Variants in FAM186B observed in about 807,000 individuals in gnomAD.
FAM186B encodes the protein family with sequence similarity 186 member B.
A neutral mutation model predicts 83.4 loss-of-function variants in FAM186B; 68 were observed. The ratio of observed to expected loss-of-function variants is 0.81; its 90% CI spans 0.67 to 1.00. The LOEUF is 1.00. Ranked by LOEUF, FAM186B falls within the 50% of genes least tolerant of loss-of-function variation. The pLI is 0.00. For missense variants in FAM186B, 983 were observed against 1,099.2 expected (o/e 0.89, Z 1.49); for synonymous variants, 389 against 422.0 (o/e 0.92, Z 0.96).
chr12:49,606,486 GACAC>G (rs57458344), upstream of FAM186B, among the ~76,000 whole-genome samples: 3,304 of 136,024 alleles, frequency 0.024, 48 homozygotes, highest in Middle Eastern at 0.043. Context: ...TAGATACCCT[GACAC>G]ACACACACAC....
upstream of FAM186B, among the ~76,000 whole-genome samples, chr12:49,608,496 A>G (rs576427647): frequency 6.6e-6 from 1 of 151,692 alleles, no homozygotes; most frequent in Non-Finnish European, 1.5e-5. Context: ...GTCTCCAAAA[A>G]AAAAAAAAAA....
intron 3 of FAM186B, among the ~76,000 whole-genome samples, chr12:49,602,569 T>C (rs1939917514): frequency 6.6e-6 from 1 of 152,124 alleles, no homozygotes; most frequent in South Asian, 2.1e-4. Context: ...TTGCCCAAAG[T>C]GATACAACCA....
chr12:49,602,783 A>G (rs146078038), intron 3 of FAM186B, among the ~76,000 whole-genome samples: 1 of 152,304 alleles, frequency 6.6e-6, no homozygotes, highest in African/African-American at 2.4e-5. Context: ...TTGCTGATGG[A>G]CCACCTCTGC....
the FAM186B span, among the ~76,000 whole-genome samples, chr12:49,614,703 A>G: frequency 6.6e-6 from 1 of 152,160 alleles, no homozygotes; most frequent in African/African-American, 2.4e-5. Flanking sequence ...CATGTAACAA[A>G]CCTGCACATG....
At position 49,599,990 on chromosome 12, in the gene FAM186B, C is replaced by G. The variant is rs954448103; in HGVS notation, c.1650G>C (p.Gln550His). The G allele has an allele frequency of 6.2e-7, 1 of 1,613,216 alleles. No homozygotes were observed. The highest frequency in any genetic ancestry group is 1.7e-5 in the Admixed American group (1 of 59,946). ...EQESPRREPE[Q>H]LGEDVERRIF... ...TCCTCCTCTCCACATCCTCCCCTAG[C>G]TGCTCTGGCTCTCTCCGTGGGCTCT... The change falls in exon 4 of 7, where the codon CAG becomes CAC. Residue 550 changes from glutamine (Q) to histidine (H), a missense_variant. Gln to His is a conservative substitution (Grantham distance 24). Transcript: ENST00000257894.
At position 49,588,541 on chromosome 12, in the gene FAM186B, G is replaced by A. The variant is rs375978412; in HGVS notation, c.2447C>T (p.Ser816Leu). The A allele has an allele frequency of 6.2e-7, 1 of 1,613,080 alleles. No individual in the cohort carries two copies. The highest frequency in any genetic ancestry group is 8.5e-7 in the Non-Finnish European group (1 of 1,179,430). ...KPKKCKLPAA[S>L]PRHIRPSGPT... ...GCCACTGGGGCGGATGTGCCGGGGTGAGGCTGCAGGCAACTTGCATTTCTT... is the reference window on the plus strand; with the variant it reads ...GCCACTGGGGCGGATGTGCCGGGGTAAGGCTGCAGGCAACTTGCATTTCTT... Residue 816 changes from serine (S) to leucine (L), a missense_variant, in exon 6 of 7, where the codon TCA becomes TTA. By Grantham distance (145) the Ser-to-Leu change is moderately radical (BLOSUM62 -2). Coordinates refer to ENST00000257894, the MANE Select transcript of FAM186B (RefSeq NM_032130.3).
At chr12:49,593,116 G>A (rs1332924996) in intron 5 of FAM186B, 2 of 152,188 alleles carry the variant, frequency 1.3e-5, no homozygotes, top group Non-Finnish European at 2.9e-5. Context: ...GCTCACTTCG[G>A]TAGCACATAT....
chr12:49,616,755 T>C, the FAM186B span, among the ~76,000 whole-genome samples: 1 of 152,162 alleles, frequency 6.6e-6, no homozygotes, highest in Non-Finnish European at 1.5e-5. Context: ...CAAAGGTTTT[T>C]GAGTAAAGGA....
At chr12:49,610,234 G>C (rs1940071191), upstream of FAM186B, among the ~76,000 whole-genome samples, 1 of 151,718 alleles carries the variant, frequency 6.6e-6, no homozygotes, top group Non-Finnish European at 1.5e-5. Flanking sequence ...AGCATCTCCA[G>C]ATGAGAAAGA....
the FAM186B span, among the ~76,000 whole-genome samples, chr12:49,618,593 G>A: frequency 1.3e-5 from 2 of 152,136 alleles, no homozygotes; most frequent in East Asian, 3.9e-4. Flanking sequence ...TCTGAGATAA[G>A]ATAACCCTGA....
chr12:49,614,864 T>C, the FAM186B span, among the ~76,000 whole-genome samples: 8 of 152,100 alleles, frequency 5.3e-5, no homozygotes, highest in South Asian at 1.7e-3. Flanking sequence ...GGCGCAGTGG[T>C]TCACGCCTGT....
At chr12:49,595,949 A>G (rs1256952009) in intron 5 of FAM186B, among the ~76,000 whole-genome samples, 1 of 152,206 alleles carries the variant, frequency 6.6e-6, no homozygotes, top group Non-Finnish European at 1.5e-5. Context: ...GCGCCACTGC[A>G]CTCCAGCCTG....
chr12:49,605,663 C>T, upstream of FAM186B: 1 of 536,204 alleles, frequency 1.9e-6, no homozygotes, highest in Non-Finnish European at 3.3e-6. Context: ...CCAGTGACAT[C>T]ATCAGTTTGA....
chr12:49,587,513 T>C lies in FAM186B; in HGVS notation c.*92A>G. ...AGCAAATGAGGTCATTGTTAAAGCCTGGAGAGAGATTTATTGGGGAGAATC... is the reference window on the plus strand; with the variant it reads ...AGCAAATGAGGTCATTGTTAAAGCCCGGAGAGAGATTTATTGGGGAGAATC... On this transcript the variant is annotated 3_prime_UTR_variant, in exon 7 of 7. Coordinates refer to ENST00000257894, the MANE Select transcript of FAM186B (RefSeq NM_032130.3). 1.3e-6 allele frequency: 2 copies of C among 1,537,808 alleles called. No individual in the cohort carries two copies. Among genetic ancestry groups the C allele is most frequent in the South Asian group, 2.2e-5 (2 of 89,198 alleles).
intron 5 of FAM186B, among the ~76,000 whole-genome samples, chr12:49,592,252 G>A (rs1450753654): frequency 6.6e-6 from 1 of 151,546 alleles, no homozygotes; most frequent in Non-Finnish European, 1.5e-5. Context: ...GGTGGGCAGA[G>A]CACATGATCA....
chr12:49,595,325 T>TAGTA (rs1939690125), intron 5 of FAM186B: 1 of 593,464 alleles, frequency 1.7e-6, no homozygotes, highest in South Asian at 1.4e-5. Flanking sequence ...CCATATGACA[T>TAGTA]AGTAGTTCTA....
At chr12:49,605,257 C>A in intron 1 of FAM186B, 125 bp downstream of exon 1, 5 of 1,528,666 alleles carry the variant, frequency 3.3e-6, no homozygotes, top group Non-Finnish European at 4.4e-6. Context: ...TCTGCAGACC[C>A]AGGTTGCTGA....
At chr12:49,592,745 C>T (rs751553469) in intron 5 of FAM186B, among the ~76,000 whole-genome samples, 1 of 152,020 alleles carries the variant, frequency 6.6e-6, no homozygotes, top group Non-Finnish European at 1.5e-5. Context: ...GAGATCGCAC[C>T]ACCACACTCC....
chr12:49,610,566 G>A (rs370843365), upstream of FAM186B, among the ~76,000 whole-genome samples: 119 of 152,214 alleles, frequency 7.8e-4, 1 homozygote, highest in African/African-American at 2.5e-3. Flanking sequence ...CGAGGCGGGC[G>A]GATCATGAGG....
Sources: allele counts gnomAD v4.1 joint callset (sites outside exome capture counted in the v4.1 genomes callset), GRCh38; gene constraint gnomAD v4.1.1; transcripts MANE v1.5; gene names NCBI Gene and HGNC (gene_info 2026-07-23, HGNC 2026-07-21).